Variants in PYM1 observed in about 807,000 individuals in gnomAD.
The protein encoded by PYM1 is PYM1 exon junction complex associated factor, also known as partner of Y14 and mago.
In PYM1, 7 loss-of-function variants were observed where a neutral mutation model predicts 20.7. That is an observed-to-expected ratio of 0.34 (90% CI 0.19 to 0.64). The LOEUF is 0.64. Ranked by LOEUF, PYM1 falls within the 30% of genes least tolerant of loss-of-function variation. The pLI is 0.74. For missense variants in PYM1, 194 were observed against 250.0 expected (o/e 0.78, Z 1.51); for synonymous variants, 100 against 99.2 (o/e 1.01, Z -0.05).
intron 1 of PYM1, chr12:55,927,035 G>A (rs959655046): frequency 5.4e-6 from 8 of 1,490,218 alleles, no homozygotes; most frequent in Middle Eastern, 1.8e-4. Context: ...CCCCTGCCCC[G>A]AGAGCCCGGA....
At chr12:55,919,266 A>G (rs1883058344) in intron 1 of PYM1, among the ~76,000 whole-genome samples, 1 of 152,162 alleles carries the variant, frequency 6.6e-6, no homozygotes, top group Non-Finnish European at 1.5e-5. Context: ...CTCCCACCTC[A>G]GCCTCCCAAG....
chr12:55,907,314 A>G (rs1216913847), intron 1 of PYM1, among the ~76,000 whole-genome samples: 1 of 151,320 alleles, frequency 6.6e-6, no homozygotes, highest in Non-Finnish European at 1.5e-5. Flanking sequence ...AAATACAAAA[A>G]TTGGCAAGGC....
intron 1 of PYM1, among the ~76,000 whole-genome samples, chr12:55,916,024 A>T (rs1175584721): frequency 1.3e-5 from 2 of 152,246 alleles, no homozygotes; most frequent in African/African-American, 4.8e-5. Flanking sequence ...CCAAGGAAAC[A>T]GTCTTCAAGA....
intron 1 of PYM1, among the ~76,000 whole-genome samples, chr12:55,905,963 A>AGATATATATATTATTATATATATTTAT (rs1565714563): frequency 1.8e-5 from 1 of 54,476 alleles, no homozygotes; most frequent in African/African-American, 7.7e-5. Flanking sequence ...TATATATCTA[A>AGATATATATATTATTATATATATTTAT]TAGATATATA....
At chr12:55,923,328 G>A (rs1336947939) in intron 1 of PYM1, among the ~76,000 whole-genome samples, 1 of 152,156 alleles carries the variant, frequency 6.6e-6, no homozygotes, top group African/African-American at 2.4e-5. Context: ...CACTTTGGGA[G>A]GCCAGGGCGT....
In PYM1 at chr12:55,921,306, G is replaced by A. The variant is rs188131906; in HGVS notation, c.37+6419C>T. The stretch of plus-strand genomic sequence containing the variant: ...AATTACTTTATTTAAATTTTAATAC[G>A]CATAATAATCCTGTGTTGCAGGAGT... On this transcript the variant is annotated intron_variant, in intron 1 of 2. Transcript: ENST00000408946. Among the ~76,000 whole-genome samples, 138 of 152,074 alleles carry A rather than the reference G, an allele frequency of 9.1e-4. 1 individual carries two copies. Among genetic ancestry groups the A allele is most frequent in the Non-Finnish European group, 1.3e-3 (85 of 68,000 alleles).
chr12:55,912,060 T>C (rs1388570743), intron 1 of PYM1, among the ~76,000 whole-genome samples: 1 of 151,974 alleles, frequency 6.6e-6, no homozygotes, highest in Non-Finnish European at 1.5e-5. Flanking sequence ...TTGAAAATAA[T>C]GTGCAAGGCA....
intron 1 of PYM1, among the ~76,000 whole-genome samples, chr12:55,926,832 G>A (rs772362893): frequency 1.3e-5 from 2 of 152,178 alleles, no homozygotes; most frequent in Non-Finnish European, 2.9e-5. Flanking sequence ...GGCCCGTGAG[G>A]GTCCTGAAGC....
chr12:55,912,662 C>T (rs1002400057), intron 1 of PYM1, among the ~76,000 whole-genome samples: 5 of 152,134 alleles, frequency 3.3e-5, no homozygotes, highest in Middle Eastern at 3.4e-3. Flanking sequence ...ACCATACTCT[C>T]TGCTCTAGAA....
At chr12:55,905,812 C>T (rs1230881588) in intron 1 of PYM1, among the ~76,000 whole-genome samples, 3 of 115,542 alleles carry the variant, frequency 2.6e-5, no homozygotes, top group Non-Finnish European at 5.1e-5. Context: ...AATAAGTTTT[C>T]AAAAATTCTA....
At chr12:55,911,677 G>A (rs968890682) in intron 1 of PYM1, among the ~76,000 whole-genome samples, 3 of 150,526 alleles carry the variant, frequency 2.0e-5, no homozygotes, top group Non-Finnish European at 4.4e-5. Context: ...GCTGTCTCTA[G>A]TAAAAATACA....
intron 1 of PYM1, among the ~76,000 whole-genome samples, chr12:55,914,531 A>G (rs1882974682): frequency 6.6e-6 from 1 of 152,200 alleles, no homozygotes; most frequent in African/African-American, 2.4e-5. Context: ...TAAGTCTGTC[A>G]GCAATAAAAA....
chr12:55,910,429 C>A (rs1204620357), intron 1 of PYM1, among the ~76,000 whole-genome samples: 1 of 151,940 alleles, frequency 6.6e-6, no homozygotes, highest in Non-Finnish European at 1.5e-5. Flanking sequence ...TACAGCGCAT[C>A]ACCACACCTG....
At position 55,927,821 on chromosome 12, in the gene PYM1, G is replaced by T; in HGVS notation, c.-60C>A. The T allele has an allele frequency of 2.0e-6, 3 of 1,518,010 alleles. No individual in the cohort carries two copies. The highest frequency in any genetic ancestry group is 1.2e-5 in the South Asian group (1 of 82,610). 94.0% of individuals were successfully genotyped at this position (1,518,010 alleles called of 1,614,324 possible). A position where few individuals can be genotyped will look rare whatever the true frequency, so the allele number is the denominator to read the frequency against. ...GCCCTGGCCTGGCTCTGCCCCGCTG[G>T]GCGGCGCCGGGGATTCGGCGGCGAA... On this transcript the variant is annotated 5_prime_UTR_variant, in exon 1 of 3. Coordinates refer to ENST00000408946, the MANE Select transcript of PYM1 (RefSeq NM_032345.3).
intron 1 of PYM1, among the ~76,000 whole-genome samples, chr12:55,904,448 T>G (rs1487261560): frequency 6.7e-6 from 1 of 149,378 alleles, no homozygotes; most frequent in Admixed American, 6.7e-5. Context: ...AAAAAAAAAT[T>G]AGCTGGGCAT....
At chr12:55,903,306 C>T (rs1882728018) in intron 2 of PYM1, 81 bp downstream of exon 2, 1 of 1,297,594 alleles carries the variant, frequency 7.7e-7, no homozygotes, top group Non-Finnish European at 1.1e-6. Context: ...AGAGTCCTCC[C>T]TGAACTTGTA....
chr12:55,902,451 T>C, intron 2 of PYM1, 96 bp from the exon 3 acceptor site: 1 of 1,474,366 alleles, frequency 6.8e-7, no homozygotes, highest in Non-Finnish European at 9.0e-7. Flanking sequence ...ATTACATTCT[T>C]GCTTCCTTTT....
At position 55,927,808 on chromosome 12, in the gene PYM1, C is replaced by T; in HGVS notation, c.-47G>A. On this transcript the variant is annotated 5_prime_UTR_variant, in exon 1 of 3. Transcript: ENST00000408946. The stretch of plus-strand genomic sequence containing the variant: ...GGTTGGGCGGGCGGCCCTGGCCTGG[C>T]TCTGCCCCGCTGGGCGGCGCCGGGG... 6.5e-7 allele frequency: 1 copy of T among 1,527,416 alleles called. No homozygotes were observed. Among genetic ancestry groups the T allele is most frequent in the Non-Finnish European group, 8.8e-7 (1 of 1,141,486 alleles). The allele number at this position is 1,527,416 out of a possible 1,614,324, so 94.6% of individuals were successfully genotyped here.
intron 1 of PYM1, among the ~76,000 whole-genome samples, chr12:55,916,525 C>G (rs527547182): frequency 3.9e-5 from 6 of 152,008 alleles, no homozygotes; most frequent in Non-Finnish European, 7.4e-5. Context: ...CAGCCAGGCA[C>G]GGTGACTCAC....
Sources: gnomAD v4.1 joint callset for allele counts (sites outside exome capture counted in the v4.1 genomes callset) on GRCh38, gnomAD v4.1.1 for gene constraint, MANE v1.5 for transcripts, NCBI Gene and HGNC (gene_info 2026-07-23, HGNC 2026-07-21) for gene names.